IGF1R: variants seen among roughly 807,000 people sequenced by gnomAD.
The protein encoded by IGF1R is insulin like growth factor 1 receptor.
A neutral mutation model predicts 144.6 loss-of-function variants in IGF1R; 44 were observed. That is an observed-to-expected ratio of 0.30 (90% CI 0.24 to 0.39). The LOEUF is 0.39. Ranked by LOEUF, IGF1R falls within the 10% of genes least tolerant of loss-of-function variation. The pLI is 1.00. For synonymous variants in IGF1R, 795 were observed against 722.8 expected (o/e 1.10, Z -1.60); for missense variants, 1,355 against 1,833.7 (o/e 0.74, Z 4.77).
At chr15:98,721,281 A>G (rs2054241262) in intron 2 of IGF1R, among the ~76,000 whole-genome samples, 1 of 152,220 alleles carries the variant, frequency 6.6e-6, no homozygotes, top group Admixed American at 6.5e-5. Flanking sequence ...ACTTTTTATC[A>G]GTAGGTTCAG....
At chr15:98,796,695 TTAA>T (rs1432436467) in intron 2 of IGF1R, among the ~76,000 whole-genome samples, 2 of 152,226 alleles carry the variant, frequency 1.3e-5, no homozygotes, top group African/African-American at 4.8e-5. Context: ...CTTAATTTAC[TTAA>T]TAATTGTGTC....
chr15:98,930,807 C>T (rs1428701089), intron 15 of IGF1R, among the ~76,000 whole-genome samples: 1 of 151,452 alleles, frequency 6.6e-6, no homozygotes, highest in African/African-American at 2.4e-5. Context: ...GGCTCATTCA[C>T]ATTCCCCTTG....
In IGF1R at chr15:98,932,453, G is replaced by C. The variant is rs142394322; in HGVS notation, c.2956+2148G>C. On this transcript the variant is annotated intron_variant, in intron 15 of 20. Coordinates refer to ENST00000650285, the MANE Select transcript of IGF1R (RefSeq NM_000875.5). ...GCACAGAAACCGCTCCTGGCTGGTG[G>C]CACTGGGGACGCCTGCTTAAAGTCG... Among the ~76,000 whole-genome samples the C allele has an allele frequency of 7.7e-3, 1,167 of 152,324 alleles. 6 individuals carry two copies. Among genetic ancestry groups the C allele is most frequent in the Middle Eastern group, 0.017 (5 of 294 alleles).
chr15:98,680,864 CTTTTTTT>C (rs71149411), intron 1 of IGF1R, among the ~76,000 whole-genome samples: 19,241 of 142,532 alleles, frequency 0.13, 2,444 homozygotes, highest in African/African-American at 0.34. Flanking sequence ...GCCATATGTA[CTTTTTTT>C]TTTTTTTTAT....
intron 2 of IGF1R, among the ~76,000 whole-genome samples, chr15:98,768,080 A>T (rs1858820275): frequency 1.3e-5 from 2 of 152,134 alleles, no homozygotes; most frequent in Admixed American, 1.3e-4. Flanking sequence ...TTAGTAAGCT[A>T]ACTTGCTAGA....
intron 2 of IGF1R, among the ~76,000 whole-genome samples, chr15:98,850,561 GCA>G (rs1170566151): frequency 1.3e-5 from 2 of 152,254 alleles, no homozygotes; most frequent in Admixed American, 6.5e-5. Context: ...TGCTCTGGGA[GCA>G]CAGAGGAGTC....
intron 1 of IGF1R, among the ~76,000 whole-genome samples, chr15:98,674,244 T>A (rs2052972400): frequency 1.3e-5 from 2 of 152,234 alleles, no homozygotes; most frequent in South Asian, 4.1e-4. Flanking sequence ...GTGGTCATGA[T>A]GGCTTTACAT....
In IGF1R at chr15:98,964,233, AAAG is replaced by A. The variant is rs1567230982; in HGVS notation, c.*6792_*6794del. 2 of 232,714 alleles carry A rather than the reference AAAG, an allele frequency of 8.6e-6. No homozygotes were observed. The highest frequency in any genetic ancestry group is 8.5e-6 in the Non-Finnish European group (1 of 117,592). The allele number at this position is 232,714 out of a possible 1,614,324, so 14.4% of individuals were successfully genotyped here. On this transcript the variant is annotated 3_prime_UTR_variant, in exon 21 of 21. Coordinates refer to ENST00000650285, the MANE Select transcript of IGF1R (RefSeq NM_000875.5). Reference sequence around the variant, plus strand: ...AAAAATTTTTTTAAGTAAGAAAAAAAAAGGTAATAACATGGCCAATTTGTTACA... The same window carrying A: ...AAAAATTTTTTTAAGTAAGAAAAAAAGTAATAACATGGCCAATTTGTTACA...
chr15:98,907,398 T>C (rs1289126358), intron 5 of IGF1R, among the ~76,000 whole-genome samples: 1 of 152,192 alleles, frequency 6.6e-6, no homozygotes, highest in African/African-American at 2.4e-5. Context: ...AGGGGTTCTG[T>C]TTTGTCCTGG....
intron 2 of IGF1R, among the ~76,000 whole-genome samples, chr15:98,759,196 A>G (rs1051329572): frequency 3.9e-5 from 6 of 152,104 alleles, no homozygotes; most frequent in Non-Finnish European, 7.4e-5. Flanking sequence ...CAGCTGGAAA[A>G]CTTGGGACAA....
At chr15:98,804,788 C>A (rs1475336018) in intron 2 of IGF1R, among the ~76,000 whole-genome samples, 1 of 152,148 alleles carries the variant, frequency 6.6e-6, no homozygotes, top group Non-Finnish European at 1.5e-5. Flanking sequence ...ACCTCCACAT[C>A]CCCAGTTCAA....
intron 2 of IGF1R, among the ~76,000 whole-genome samples, chr15:98,796,399 C>G (rs1248812688): frequency 6.6e-6 from 1 of 152,212 alleles, no homozygotes; most frequent in East Asian, 1.9e-4. Context: ...GAAGCAAGAA[C>G]TCAGTGGGTG....
At position 98,962,434 on chromosome 15, in the gene IGF1R, C is replaced by T; in HGVS notation, c.*4992C>T. Reference sequence around the variant, plus strand: ...AAGAACCAGTGGCGAAAGACACTTTCTTTCTTCACTCTGAAGTAGCTGGTG... The same window carrying T: ...AAGAACCAGTGGCGAAAGACACTTTTTTTCTTCACTCTGAAGTAGCTGGTG... On this transcript the variant is annotated 3_prime_UTR_variant, in exon 21 of 21. Coordinates refer to ENST00000650285, the MANE Select transcript of IGF1R (RefSeq NM_000875.5). The T allele has an allele frequency of 4.3e-6, 1 of 233,778 alleles. No homozygotes were observed. The allele number at this position is 233,778 out of a possible 1,614,324, so 14.5% of individuals were successfully genotyped here. A position where few individuals can be genotyped will look rare whatever the true frequency, so the allele number is the denominator to read the frequency against.
At chr15:98,655,199 A>G (rs1178002667) in intron 1 of IGF1R, among the ~76,000 whole-genome samples, 3 of 152,230 alleles carry the variant, frequency 2.0e-5, no homozygotes, top group Non-Finnish European at 1.5e-5. Context: ...GATCTTTAAA[A>G]CAAGTTAGAT....
chr15:98,858,671 G>T (rs951865705), intron 2 of IGF1R, among the ~76,000 whole-genome samples: 1 of 152,172 alleles, frequency 6.6e-6, no homozygotes, highest in African/African-American at 2.4e-5. Context: ...TAATAAACGT[G>T]GACGAGGTCT....
intron 18 of IGF1R, among the ~76,000 whole-genome samples, chr15:98,941,670 G>A (rs2016370952): frequency 6.6e-6 from 1 of 152,134 alleles, no homozygotes; most frequent in Non-Finnish European, 1.5e-5. Flanking sequence ...AGCGTCTCAT[G>A]GATGACAAAT....
chr15:98,747,484 C>G (rs2054898841), intron 2 of IGF1R, among the ~76,000 whole-genome samples: 1 of 152,204 alleles, frequency 6.6e-6, no homozygotes, highest in Non-Finnish European at 1.5e-5. Context: ...CCACTGTGCC[C>G]TGGCACTACT....
At chr15:98,886,389 G>C (rs769863857) in intron 2 of IGF1R, among the ~76,000 whole-genome samples, 39 of 152,256 alleles carry the variant, frequency 2.6e-4, no homozygotes, top group Middle Eastern at 3.4e-3. Context: ...GTGGATGTGG[G>C]ACATGTTAGC....
At chr15:98,852,531 A>G (rs1245359357) in intron 2 of IGF1R, among the ~76,000 whole-genome samples, 1 of 152,200 alleles carries the variant, frequency 6.6e-6, no homozygotes, top group Non-Finnish European at 1.5e-5. Flanking sequence ...GCAAGGATGC[A>G]GCAGGAGTAT....
Sources: allele counts gnomAD v4.1 joint callset (sites outside exome capture counted in the v4.1 genomes callset), GRCh38; gene constraint gnomAD v4.1.1; transcripts MANE v1.5; gene names NCBI Gene and HGNC (gene_info 2026-07-23, HGNC 2026-07-21).